Variants in SLC35F2 observed in about 807,000 individuals in gnomAD.
SLC35F2 encodes solute carrier family 35 member F2.
Under a neutral mutation model 38.1 loss-of-function variants are expected in SLC35F2, and 25 were observed. The ratio of observed to expected loss-of-function variants is 0.66; its 90% CI spans 0.48 to 0.92. The LOEUF (loss-of-function observed/expected upper bound fraction) is 0.92. Ranked by LOEUF, SLC35F2 falls within the 40% of genes least tolerant of loss-of-function variation. The pLI, the probability that SLC35F2 is intolerant of heterozygous loss-of-function variation, is 0.00. For missense variants in SLC35F2, 409 were observed against 452.9 expected (o/e 0.90, Z 0.88); for synonymous variants, 173 against 181.7 (o/e 0.95, Z 0.38).
intron 7 of SLC35F2, among the ~76,000 whole-genome samples, chr11:107,794,784 T>G (rs1205041941): frequency 1.3e-5 from 2 of 152,326 alleles, no homozygotes; most frequent in East Asian, 1.9e-4. Context: ...GTAGATGACA[T>G]GATCTTATAT....
At chr11:107,839,650 C>T (rs961743045) in intron 1 of SLC35F2, among the ~76,000 whole-genome samples, 1 of 152,098 alleles carries the variant, frequency 6.6e-6, no homozygotes, top group Non-Finnish European at 1.5e-5. Flanking sequence ...AAGGAGAAAG[C>T]GTGAAACACA....
At chr11:107,796,227 A>G (rs1218815261) in intron 7 of SLC35F2, among the ~76,000 whole-genome samples, 1 of 152,214 alleles carries the variant, frequency 6.6e-6, no homozygotes, top group Non-Finnish European at 1.5e-5. Context: ...AGATTCTCAA[A>G]AAACTAAAAA....
At chr11:107,800,990 T>C (rs1859299771) in intron 7 of SLC35F2, among the ~76,000 whole-genome samples, 1 of 148,264 alleles carries the variant, frequency 6.7e-6, no homozygotes, top group Non-Finnish European at 1.5e-5. Context: ...CTACAACCTC[T>C]GCCTCTCAGG....
chr11:107,798,718 CAA>C (rs1280987730), intron 7 of SLC35F2, among the ~76,000 whole-genome samples: 2 of 152,070 alleles, frequency 1.3e-5, no homozygotes, highest in East Asian at 1.9e-4. Flanking sequence ...AAATTAGAGC[CAA>C]AGTTATTTTA....
intron 1 of SLC35F2, among the ~76,000 whole-genome samples, chr11:107,849,009 C>T (rs1860136618): frequency 6.6e-6 from 1 of 152,134 alleles, no homozygotes; most frequent in South Asian, 2.1e-4. Flanking sequence ...AAGAGTAAAG[C>T]AGCTCTGGAT....
At chr11:107,858,081 A>G (rs550006754) in intron 1 of SLC35F2, among the ~76,000 whole-genome samples, 1 of 152,336 alleles carries the variant, frequency 6.6e-6, no homozygotes, top group Admixed American at 6.5e-5. Flanking sequence ...TGATACCACA[A>G]ACAGGCTTCC....
At chr11:107,803,992 A>ATTTT (rs71047624) in intron 6 of SLC35F2, among the ~76,000 whole-genome samples, 30 of 135,814 alleles carry the variant, frequency 2.2e-4, no homozygotes, top group African/African-American at 1.7e-4. Context: ...TGCCCGGATA[A>ATTTT]TTTTTTTTTT....
rs1860342343 is a variant in SLC35F2 at position 107,858,778 on chromosome 11, G to C, written c.-11C>G. On this transcript the variant is annotated 5_prime_UTR_variant, in exon 1 of 8. Transcript: ENST00000525815. ...CGAGTCTGCCTCCATCGGCGCCCTT[G>C]CGCGTCTCCGGCGCCCAAAACCCCC... 1 of 1,254,206 alleles carries C rather than the reference G, an allele frequency of 8.0e-7. No individual in the cohort carries two copies. The highest frequency in any genetic ancestry group is 1.5e-5 in the African/African-American group (1 of 65,020). 77.7% of individuals were successfully genotyped at this position (1,254,206 alleles called of 1,614,324 possible).
chr11:107,806,852 C>T lies in SLC35F2; in HGVS notation c.439G>A (p.Val147Met). 6.2e-7 allele frequency: 1 copy of T among 1,613,976 alleles called. No individual in the cohort carries two copies. Among genetic ancestry groups the T allele is most frequent in the South Asian group, 1.1e-5 (1 of 91,060 alleles). ...VQLLDCFGIPVLMALSWFILH... is the reference protein window; with the variant it reads ...VQLLDCFGIPMLMALSWFILH... ...ATAAACCATGACAGAGCCATCAACACAGGAATCCCAAAGCAATCCAAAAGC... is the reference window on the plus strand; with the variant it reads ...ATAAACCATGACAGAGCCATCAACATAGGAATCCCAAAGCAATCCAAAAGC... Residue 147 changes from valine (V) to methionine (M), a missense_variant, in exon 4 of 8, where the codon GTG becomes ATG. By Grantham distance (21) the Val-to-Met change is conservative (BLOSUM62 1). Coordinates refer to ENST00000525815, the MANE Select transcript of SLC35F2 (RefSeq NM_017515.5).
At chr11:107,844,767 G>A (rs1465775182) in intron 1 of SLC35F2, among the ~76,000 whole-genome samples, 1 of 152,050 alleles carries the variant, frequency 6.6e-6, no homozygotes, top group Non-Finnish European at 1.5e-5. Context: ...AAGGTCAGGA[G>A]ATCGAGACCA....
chr11:107,813,305 C>T (rs946215787), intron 2 of SLC35F2, among the ~76,000 whole-genome samples: 3 of 151,840 alleles, frequency 2.0e-5, no homozygotes, highest in Non-Finnish European at 4.4e-5. Context: ...ATTAGCTGGG[C>T]GTGGTGGCAG....
intron 1 of SLC35F2, among the ~76,000 whole-genome samples, chr11:107,819,299 G>A (rs1859633816): frequency 6.6e-6 from 1 of 152,152 alleles, no homozygotes. Flanking sequence ...GCTGAGTCTG[G>A]TACTCTCAAA....
chr11:107,852,272 C>T (rs567409500), intron 1 of SLC35F2, among the ~76,000 whole-genome samples: 1 of 152,294 alleles, frequency 6.6e-6, no homozygotes, highest in South Asian at 2.1e-4. Context: ...ACAATATTGG[C>T]TGGGCACAGT....
intron 6 of SLC35F2, 54 bp downstream of exon 6, chr11:107,804,664 T>C (rs918911810): frequency 1.6e-6 from 2 of 1,231,246 alleles, no homozygotes; most frequent in African/African-American, 1.5e-5. Context: ...TATTTCTAGA[T>C]GTTCATTTGT....
intron 1 of SLC35F2, among the ~76,000 whole-genome samples, chr11:107,833,685 C>G (rs148470794): frequency 0.013 from 1,952 of 152,142 alleles, 16 homozygotes; most frequent in Middle Eastern, 0.02. Flanking sequence ...TACACCCAGG[C>G]GAGTTAGAGA....
chr11:107,858,574 G>A, intron 1 of SLC35F2, 84 bp downstream of exon 1: 1 of 1,181,110 alleles, frequency 8.5e-7, no homozygotes. Context: ...GGGCCTCAGA[G>A]AGTGTGCTCC....
intron 1 of SLC35F2, among the ~76,000 whole-genome samples, chr11:107,853,719 C>CAAAAAAAAA (rs67932834): frequency 1.5e-5 from 1 of 68,184 alleles, no homozygotes; most frequent in Non-Finnish European, 2.7e-5. Context: ...GACTCCGTCT[C>CAAAAAAAAA]AAAAAAAAAA....
At chr11:107,854,271 A>G (rs1320959613) in intron 1 of SLC35F2, among the ~76,000 whole-genome samples, 8 of 28,114 alleles carry the variant, frequency 2.8e-4, no homozygotes, top group Non-Finnish European at 4.5e-4. Context: ...GTCTCTACGG[A>G]AAAAAAAAAA....
At chr11:107,826,553 C>A (rs1002639866) in intron 1 of SLC35F2, among the ~76,000 whole-genome samples, 1 of 152,124 alleles carries the variant, frequency 6.6e-6, no homozygotes, top group Non-Finnish European at 1.5e-5. Flanking sequence ...CAAAACAAAA[C>A]TTTTTAAAAG....
Sources: allele counts gnomAD v4.1 joint callset (sites outside exome capture counted in the v4.1 genomes callset), GRCh38; gene constraint gnomAD v4.1.1; transcripts MANE v1.5; gene names NCBI Gene and HGNC (gene_info 2026-07-23, HGNC 2026-07-21).